The following HUNK variants were observed in gnomAD, a reference collection of about 807,000 sequenced individuals.
HUNK encodes hormonally up-regulated Neu-associated kinase, also known as hormonally up-regulated neu tumor-associated kinase.
Under a neutral mutation model 61.0 loss-of-function variants are expected in HUNK, and 21 were observed. The observed-to-expected ratio is 0.34, with a 90% confidence interval of 0.24 to 0.50. HUNK has a LOEUF of 0.50. Among genes scored for constraint, HUNK ranks in the 20% least tolerant of loss-of-function variants. The pLI is 0.98. For missense variants in HUNK, 772 were observed against 945.7 expected, an observed-to-expected ratio of 0.82 and a Z score of 2.41; for synonymous variants, 371 against 386.1, an observed-to-expected ratio of 0.96 and a Z score of 0.46.
At chr21:31,921,027 C>T (rs2052618639) in intron 1 of HUNK, among the ~76,000 whole-genome samples, 1 of 151,904 alleles carries the variant, frequency 6.6e-6, no homozygotes, top group Admixed American at 6.6e-5. Flanking sequence ...TGGCGGGTGC[C>T]TGTAATCCCA....
rs1433343094 is a variant in HUNK at position 31,873,623 on chromosome 21, G to A, written c.-52G>A. ...GGAAGCCGAAGAGCCTGGGGAGGAGGAGCTGCGAGCGCGGGAGACGAGCAG... is the reference window on the plus strand; with the variant it reads ...GGAAGCCGAAGAGCCTGGGGAGGAGAAGCTGCGAGCGCGGGAGACGAGCAG... On this transcript the variant is annotated 5_prime_UTR_variant, in exon 1 of 11. Coordinates refer to ENST00000270112, the MANE Select transcript of HUNK (RefSeq NM_014586.2). The surrounding 1 kb of genome is among the most constrained non-coding windows in gnomAD (Gnocchi z 6.1). 4 of 986,700 alleles carry A rather than the reference G, an allele frequency of 4.1e-6. No homozygotes were observed. In the East Asian group the frequency reaches 4.6e-4, roughly 112 times the overall value. 61.1% of individuals were successfully genotyped at this position (986,700 alleles called of 1,614,324 possible). A position where few individuals can be genotyped will look rare whatever the true frequency, so the allele number is the denominator to read the frequency against.
intron 2 of HUNK, 125 bp from the exon 3 acceptor site, chr21:31,940,040 G>T: frequency 6.0e-6 from 4 of 661,482 alleles, no homozygotes; most frequent in Admixed American, 3.3e-5. Flanking sequence ...ATTGAGTTTT[G>T]GCAGAAAGCT....
intron 10 of HUNK, among the ~76,000 whole-genome samples, chr21:31,997,785 C>T (rs554014292): frequency 6.6e-6 from 1 of 152,324 alleles, no homozygotes; most frequent in African/African-American, 2.4e-5. Flanking sequence ...CCACTGTGGG[C>T]TGTCCAAGGA....
At chr21:31,881,158 G>A (rs1295452538) in intron 1 of HUNK, among the ~76,000 whole-genome samples, 1 of 152,212 alleles carries the variant, frequency 6.6e-6, no homozygotes, top group African/African-American at 2.4e-5. Context: ...TGGGGGTGCA[G>A]CCCAGCATTT....
rs1210605047 is a variant in HUNK at position 32,002,226 on chromosome 21, TACAGTTGTGCACCACA to T, written c.*3044_*3059del. 1.3e-5 allele frequency: 2 copies of T among 152,322 alleles called. No individual in the cohort carries two copies. Among genetic ancestry groups the T allele is most frequent in the African/African-American group, 2.4e-5 (1 of 41,466 alleles). 9.4% of individuals were successfully genotyped at this position (152,322 alleles called of 1,614,324 possible). A position where few individuals can be genotyped will look rare whatever the true frequency, so the allele number is the denominator to read the frequency against. On this transcript the variant is annotated 3_prime_UTR_variant, in exon 11 of 11. Transcript: ENST00000270112. The stretch of plus-strand genomic sequence containing the variant: ...TCTCAGCCTCCCAAGTAGCTGGGAC[TACAGTTGTGCACCACA>T]ATGCCTAGCTAATTTTTTTTGTATT...
intron 1 of HUNK, among the ~76,000 whole-genome samples, chr21:31,888,626 G>A (rs1351364733): frequency 6.6e-6 from 1 of 152,132 alleles, no homozygotes; most frequent in African/African-American, 2.4e-5. Flanking sequence ...TGTAATCCCA[G>A]CCACTCGGGA....
At chr21:31,900,654 C>T (rs551645008) in intron 1 of HUNK, among the ~76,000 whole-genome samples, 8 of 152,292 alleles carry the variant, frequency 5.3e-5, no homozygotes, top group East Asian at 3.9e-4. Flanking sequence ...CAGAGCCCTG[C>T]GCGTGCAGTG....
chr21:31,989,307 C>T (rs1031973555), intron 8 of HUNK, among the ~76,000 whole-genome samples: 3 of 152,280 alleles, frequency 2.0e-5, no homozygotes, highest in Admixed American at 6.5e-5. Context: ...AGGGATGAAA[C>T]ATTTAAAGGC....
chr21:31,904,017 A>T (rs924962688), intron 1 of HUNK, among the ~76,000 whole-genome samples: 1 of 152,134 alleles, frequency 6.6e-6, no homozygotes, highest in African/African-American at 2.4e-5. Context: ...GGTAGCTGTG[A>T]ATTTCTCATC....
chr21:31,941,794 T>C (rs73350771), intron 3 of HUNK, among the ~76,000 whole-genome samples: 12,332 of 151,580 alleles, frequency 0.081, 614 homozygotes, highest in South Asian at 0.17. Flanking sequence ...AGGAAAGGAG[T>C]TTTTTGTTTT....
chr21:31,917,725 C>T (rs893398695), intron 1 of HUNK, among the ~76,000 whole-genome samples: 8 of 149,388 alleles, frequency 5.4e-5, no homozygotes, highest in Non-Finnish European at 1.0e-4. Flanking sequence ...CACACACACA[C>T]ACACACACAC....
At chr21:31,981,605 A>AT (rs1177978572) in intron 7 of HUNK, among the ~76,000 whole-genome samples, 1 of 151,970 alleles carries the variant, frequency 6.6e-6, no homozygotes, top group African/African-American at 2.4e-5. Context: ...TAAGCATTTG[A>AT]TTTTTTTATG....
At chr21:31,995,722 T>C in intron 9 of HUNK, 46 bp from the exon 10 acceptor site, 1 of 1,479,510 alleles carries the variant, frequency 6.8e-7, no homozygotes, top group Admixed American at 1.8e-5. Context: ...TCCCATTGTG[T>C]CTTCTAGTAT....
At chr21:31,887,613 G>A (rs548654494) in intron 1 of HUNK, among the ~76,000 whole-genome samples, 3 of 152,278 alleles carry the variant, frequency 2.0e-5, no homozygotes, top group East Asian at 1.9e-4. Flanking sequence ...TTCTTCAGAC[G>A]CTCTTGTATG....
intron 5 of HUNK, among the ~76,000 whole-genome samples, chr21:31,959,387 T>G (rs955528716): frequency 6.6e-6 from 1 of 152,212 alleles, no homozygotes; most frequent in Non-Finnish European, 1.5e-5. Context: ...AAGAAATGTT[T>G]GTTGCATTCA....
At chr21:31,881,729 A>G (rs940599948) in intron 1 of HUNK, among the ~76,000 whole-genome samples, 2 of 152,084 alleles carry the variant, frequency 1.3e-5, no homozygotes, top group African/African-American at 4.8e-5. Flanking sequence ...CCTTCTATCT[A>G]TGTATGTTTG....
chr21:31,961,905 A>G (rs1440506046), intron 5 of HUNK, among the ~76,000 whole-genome samples: 1 of 152,202 alleles, frequency 6.6e-6, no homozygotes, highest in Non-Finnish European at 1.5e-5. Context: ...AGACCAGGTT[A>G]TGCTGCAGTA....
At chr21:31,917,180 G>C (rs2052588877) in intron 1 of HUNK, among the ~76,000 whole-genome samples, 1 of 152,072 alleles carries the variant, frequency 6.6e-6, no homozygotes, top group Non-Finnish European at 1.5e-5. Flanking sequence ...TTACCGTGTT[G>C]TGAGAAATGC....
At position 31,921,141 on chromosome 21, in the gene HUNK, C is replaced by T. The variant is rs186980174; in HGVS notation, c.262-3327C>T. Reference sequence around the variant, plus strand: ...CTGCATTCCAGCCTGGGCCACAGAGCGAGATTCCATCTCAAAAAAAAAAAA... The same window carrying T: ...CTGCATTCCAGCCTGGGCCACAGAGTGAGATTCCATCTCAAAAAAAAAAAA... On this transcript the variant is annotated intron_variant, in intron 1 of 10. Transcript: ENST00000270112. Among the ~76,000 whole-genome samples the T allele has an allele frequency of 6.5e-3, 708 of 108,886 alleles. 6 individuals are homozygous for T. Among genetic ancestry groups the T allele is most frequent in the African/African-American group, 0.025 (645 of 26,294 alleles). The allele number at this position is 108,886 out of a possible 152,430, so 71.4% of individuals were successfully genotyped here. A position where few individuals can be genotyped will look rare whatever the true frequency, so the allele number is the denominator to read the frequency against.
Sources: gnomAD v4.1 joint callset for allele counts (sites outside exome capture counted in the v4.1 genomes callset) on GRCh38, gnomAD v4.1.1 for gene constraint, Gnocchi (gnomAD v3.1) non-coding constraint, MANE v1.5 for transcripts, NCBI Gene and HGNC (gene_info 2026-07-23, HGNC 2026-07-21) for gene names.